The following ACP3 variants were observed in gnomAD, a reference collection of about 807,000 sequenced individuals.
The protein encoded by ACP3 is acid phosphatase 3, also known as prostatic acid phosphatase.
ACP3 carries 38 observed loss-of-function variants against 45.6 expected under a neutral mutation model. The observed-to-expected ratio is 0.83, with a 90% CI of 0.64 to 1.09. The LOEUF (loss-of-function observed/expected upper bound fraction) is 1.09, where lower values mean the gene tolerates loss of function less well. Among genes scored for constraint, ACP3 ranks in the 50% least tolerant of loss-of-function variants. The pLI is 0.00. For missense variants in ACP3, 466 were observed against 463.2 expected (o/e 1.01, Z -0.05); for synonymous variants, 162 against 164.7 (o/e 0.98, Z 0.13).
chr3:132,340,483 C>A (rs191836575), intron 5 of ACP3, among the ~76,000 whole-genome samples: 1 of 152,212 alleles, frequency 6.6e-6, no homozygotes, highest in African/African-American at 2.4e-5. Flanking sequence ...TTTAGAAAAG[C>A]TTTCCCCACT....
chr3:132,340,971 C>A (rs182926556), intron 5 of ACP3, among the ~76,000 whole-genome samples: 3 of 152,242 alleles, frequency 2.0e-5, no homozygotes, highest in Admixed American at 6.5e-5. Flanking sequence ...GAATTTGCAA[C>A]TTTTCACTGT....
intron 4 of ACP3, 46 bp from the exon 5 acceptor site, chr3:132,337,410 G>A (rs1937509397): frequency 7.7e-7 from 1 of 1,306,902 alleles, no homozygotes; most frequent in Middle Eastern, 1.9e-4. Flanking sequence ...ATTTAGCAAA[G>A]TTTTTCTGAC....
At chr3:132,352,260 C>T (rs982299031) in intron 8 of ACP3, among the ~76,000 whole-genome samples, 3 of 151,986 alleles carry the variant, frequency 2.0e-5, no homozygotes, top group Non-Finnish European at 4.4e-5. Flanking sequence ...TGCAGTGGCA[C>T]GATCTTGGCT....
At chr3:132,334,066 C>T (rs529682514) in intron 4 of ACP3, among the ~76,000 whole-genome samples, 37 of 152,158 alleles carry the variant, frequency 2.4e-4, no homozygotes, top group Middle Eastern at 3.4e-3. Context: ...AGCGAAATTC[C>T]GTCTCAAAAA....
rs150212084 is a variant in ACP3 at position 132,319,014 on chromosome 3, C to T, written c.120+1438C>T. On this transcript the variant is annotated intron_variant, in intron 1 of 9. Transcript: ENST00000336375. ...GTGGGTTTCCTATATTCAGGGACTG[C>T]AAGTTAATTCTTTCCTGAGGAAAGC... Among the ~76,000 whole-genome samples the T allele has an allele frequency of 2.0e-3, 306 of 152,300 alleles. 5 individuals carry two copies. The highest frequency in any genetic ancestry group is 6.0e-3 in the East Asian group (31 of 5,184).
chr3:132,320,712 G>T (rs893296214), intron 1 of ACP3, among the ~76,000 whole-genome samples: 4 of 150,132 alleles, frequency 2.7e-5, no homozygotes, highest in Admixed American at 2.0e-4. Context: ...GTGCAATGGC[G>T]TGATCTTGGC....
chr3:132,362,761 C>T (rs1938066045), downstream of ACP3, among the ~76,000 whole-genome samples: 1 of 152,162 alleles, frequency 6.6e-6, no homozygotes, highest in African/African-American at 2.4e-5. Context: ...GAGGAGAATG[C>T]ATAAAGGCCA....
In ACP3 at chr3:132,331,631, TA is replaced by T; in HGVS notation, c.217-15del. On this transcript the variant is annotated splice_polypyrimidine_tract_variant and intron_variant, in intron 2 of 9. Transcript: ENST00000336375. ...ACTTACTTTCATTAATTTTTGCTTT[TA>T]TTTTTTTCCCATAGCTGGGCATGGA... is the stretch of plus-strand genomic sequence containing the variant. 1 of 1,569,698 alleles carries T rather than the reference TA, an allele frequency of 6.4e-7. No homozygotes were observed. Among genetic ancestry groups the T allele is most frequent in the Non-Finnish European group, 8.6e-7 (1 of 1,166,696 alleles).
In ACP3 at chr3:132,317,574, T is replaced by C. The variant is rs762862321; in HGVS notation, c.118T>C (p.Leu40=). The C allele has an allele frequency of 6.2e-7, 1 of 1,610,386 alleles. No homozygotes were observed. The highest frequency in any genetic ancestry group is 8.5e-7 in the Non-Finnish European group (1 of 1,178,416). ...AGCCAAGGAGTTGAAGTTTGTGACT[T>C]TGGTAAGTAGACTTTTCTCATTGCT... The part of the protein sequence containing the change: ...VLAKELKFVT[L]VFRHGDRSPI... The change falls in exon 1 of 10, where the codon TTG becomes CTG. Residue 40 remains leucine, a splice_region_variant and synonymous_variant. Transcript: ENST00000336375.
intron 3 of ACP3, 27 bp from the exon 4 acceptor site, chr3:132,332,165 G>T: frequency 1.9e-6 from 3 of 1,613,608 alleles, no homozygotes; most frequent in Non-Finnish European, 2.5e-6. Flanking sequence ...CTTTACGTTC[G>T]CTTCTGCTTT....
intron 10 of ACP3, chr3:132,367,697 C>T: frequency 6.3e-7 from 1 of 1,581,630 alleles, no homozygotes; most frequent in East Asian, 2.2e-5. Flanking sequence ...TTCCTATTTT[C>T]CCACAGTTCT....
chr3:132,321,401 T>C (rs1937204496), intron 1 of ACP3, among the ~76,000 whole-genome samples: 1 of 152,034 alleles, frequency 6.6e-6, no homozygotes, highest in Non-Finnish European at 1.5e-5. Context: ...ACAAACAACC[T>C]TACATACAAT....
At chr3:132,338,280 TG>T (rs1357641677) in intron 5 of ACP3, among the ~76,000 whole-genome samples, 4 of 150,444 alleles carry the variant, frequency 2.7e-5, no homozygotes, top group Non-Finnish European at 1.5e-5. Flanking sequence ...GGTTTTGTTT[TG>T]TTTTTTTTTT....
intron 4 of ACP3, 108 bp from the exon 5 acceptor site, chr3:132,337,347 CT>C (rs1239667405): frequency 6.2e-6 from 4 of 640,952 alleles, no homozygotes; most frequent in Non-Finnish European, 1.1e-5. Context: ...ACATTTGAAT[CT>C]TTTATTAAGG....
intron 9 of ACP3, among the ~76,000 whole-genome samples, chr3:132,355,488 T>TATTTTATTTTATTTTATCTC (rs1937862014): frequency 6.7e-6 from 1 of 149,852 alleles, no homozygotes; most frequent in Non-Finnish European, 1.5e-5. Context: ...TATTTTATCT[T>TATTTTATTTTATTTTATCTC]ATTTTATTTT....
chr3:132,356,716 T>C lies in ACP3; in HGVS notation c.999T>C (p.Asn333=). Residue 333 remains asparagine (N), a synonymous_variant, in exon 10 of 10, where the codon AAT becomes AAC. Coordinates refer to ENST00000336375, the MANE Select transcript of ACP3 (RefSeq NM_001099.5). ...ACTTTGTGGAGATGTACTATCGGAA[T>C]GAGACGCAGCACGAGCCGTATCCCC... is the stretch of plus-strand genomic sequence containing the variant. ...GEYFVEMYYR[N]ETQHEPYPLM... 6.2e-7 allele frequency: 1 copy of C among 1,614,138 alleles called. No individual in the cohort carries two copies. Among genetic ancestry groups the C allele is most frequent in the South Asian group, 1.1e-5 (1 of 91,080 alleles).
rs1938153680 is a variant in ACP3 at position 132,367,762 on chromosome 3, AC to A, written c.1198del (p.Leu400CysfsTer25). On this transcript the variant is annotated frameshift_variant, in exon 11 of 11. Transcript: ENST00000351273. LOFTEE classifies it high-confidence loss of function. The stretch of plus-strand genomic sequence containing the variant: ...TGATATCTGCTGTCCTAATGGTACT[AC>A]TGTTTATCCACATTCGCCGTGGACT... The A allele has an allele frequency of 6.2e-7, 1 of 1,613,818 alleles. No homozygotes were observed. The highest frequency in any genetic ancestry group is 1.3e-5 in the African/African-American group (1 of 75,006).
rs1480668816 is a variant in ACP3, at chr3:132,358,775, A to G, written c.*1897A>G. ...GAAGTTCAAAAGCATTGCTTTTATA[A>G]TGAACTTAGAAAAACGTATGTGTGT... On this transcript the variant is annotated 3_prime_UTR_variant, in exon 10 of 10. Coordinates refer to ENST00000336375, the MANE Select transcript of ACP3 (RefSeq NM_001099.5). 3 of 986,800 alleles carry G rather than the reference A, an allele frequency of 3.0e-6. No homozygotes were observed. The highest frequency in any genetic ancestry group is 1.1e-4 in the East Asian group (1 of 8,948). 61.1% of individuals were successfully genotyped at this position (986,800 alleles called of 1,614,324 possible).
exon 11 of ACP3, chr3:132,368,011 A>T: frequency 1.8e-6 from 1 of 551,840 alleles, no homozygotes; most frequent in Non-Finnish European, 3.3e-6. Flanking sequence ...CAGGCTACCT[A>T]GGTCTTCTCA....
Sources: gnomAD v4.1 joint callset for allele counts (sites outside exome capture counted in the v4.1 genomes callset) on GRCh38, gnomAD v4.1.1 for gene constraint, MANE v1.5 for transcripts, NCBI Gene and HGNC (gene_info 2026-07-23, HGNC 2026-07-21) for gene names.